The following PRKACB variants were observed in gnomAD, a reference collection of about 807,000 sequenced individuals.
PRKACB encodes the protein protein kinase cAMP-activated catalytic subunit beta.
PRKACB carries 16 observed loss-of-function variants against 51.4 expected under a neutral mutation model. That is an observed-to-expected ratio of 0.31 (90% CI 0.21 to 0.47). The LOEUF (loss-of-function observed/expected upper bound fraction) is 0.47. PRKACB is among the 20% of genes least tolerant of loss of function. The pLI is 1.00. For synonymous variants in PRKACB, 147 were observed against 154.4 expected (o/e 0.95, Z 0.35); for missense variants, 309 against 464.5 (o/e 0.67, Z 3.08).
intron 1 of PRKACB, 136 bp from the exon 2 acceptor site, chr1:84,179,038 CATG>C (rs1484008602): frequency 1.0e-6 from 1 of 996,966 alleles, no homozygotes; most frequent in African/African-American, 1.7e-5. Context: ...TTTAATGTAT[CATG>C]GTGATAAATA....
chr1:84,185,945 C>T (rs779567891), intron 5 of PRKACB, among the ~76,000 whole-genome samples: 1 of 152,120 alleles, frequency 6.6e-6, no homozygotes, highest in Non-Finnish European at 1.5e-5. Flanking sequence ...GGCATATACA[C>T]AGACTAGGTG....
At chr1:84,156,083 G>T (rs1027732526) in intron 1 of PRKACB, among the ~76,000 whole-genome samples, 2 of 152,018 alleles carry the variant, frequency 1.3e-5, no homozygotes, top group African/African-American at 2.4e-5. Flanking sequence ...TGTTCTCCTG[G>T]GCTCAAGCTA....
intron 1 of PRKACB, among the ~76,000 whole-genome samples, chr1:84,158,768 A>G (rs1484251414): frequency 2.6e-5 from 4 of 152,132 alleles, no homozygotes; most frequent in African/African-American, 4.8e-5. Context: ...AAGATTTTCA[A>G]TCTGTACTTC....
intron 9 of PRKACB, among the ~76,000 whole-genome samples, chr1:84,219,227 G>T (rs1227026717): frequency 2.1e-4 from 29 of 140,090 alleles, no homozygotes; most frequent in Non-Finnish European, 4.1e-4. Context: ...TGTTTATTAG[G>T]TTTTTTTTTT....
upstream of PRKACB, among the ~76,000 whole-genome samples, chr1:84,144,049 C>CTA (rs199516588): frequency 2.0e-5 from 3 of 152,118 alleles, no homozygotes; most frequent in East Asian, 5.8e-4. Context: ...GTTTAGCCTA[C>CTA]TATATATATA....
intron 1 of PRKACB, among the ~76,000 whole-genome samples, chr1:84,127,445 A>C (rs1035213160): frequency 2.6e-5 from 4 of 152,208 alleles, no homozygotes; most frequent in Non-Finnish European, 5.9e-5. Flanking sequence ...GGGATATTCA[A>C]CTGTATCAGT....
intron 2 of PRKACB, among the ~76,000 whole-genome samples, chr1:84,180,690 C>G (rs931396490): frequency 5.9e-5 from 9 of 151,950 alleles, no homozygotes; most frequent in Admixed American, 2.6e-4. Context: ...GTAAATGTTT[C>G]TTAAAGATGC....
intron 9 of PRKACB, among the ~76,000 whole-genome samples, chr1:84,216,342 GAAAT>G (rs546058312): frequency 3.3e-5 from 5 of 151,648 alleles, no homozygotes; most frequent in African/African-American, 4.8e-5. Flanking sequence ...CCGTCTCAAA[GAAAT>G]AAATAAATAA....
chr1:84,117,561 T>G (rs948073712), intron 1 of PRKACB, among the ~76,000 whole-genome samples: 3 of 152,210 alleles, frequency 2.0e-5, no homozygotes, highest in Non-Finnish European at 2.9e-5. Context: ...TTTATCCATT[T>G]TCTCTAGCTT....
chr1:84,173,678 C>A (rs1376387329), intron 1 of PRKACB, among the ~76,000 whole-genome samples: 1 of 151,736 alleles, frequency 6.6e-6, no homozygotes, highest in South Asian at 2.1e-4. Flanking sequence ...ACCTTAGTTT[C>A]CATCCTCTTT....
chr1:84,198,291 C>A (rs570930446), intron 7 of PRKACB, among the ~76,000 whole-genome samples: 101 of 152,204 alleles, frequency 6.6e-4, no homozygotes, highest in Non-Finnish European at 1.3e-3. Context: ...TAGTTTTAGT[C>A]TTATTGAAGG....
intron 1 of PRKACB, chr1:84,164,297 G>T: frequency 1.3e-6 from 2 of 1,504,900 alleles, no homozygotes; most frequent in South Asian, 2.5e-5. Context: ...ATAGTCACTA[G>T]CAACAGCACA....
rs542263277 is a variant in PRKACB, at chr1:84,208,123, G to A, written c.906+5318G>A. On this transcript the variant is annotated intron_variant, in intron 8 of 9. Transcript: ENST00000370685. ...CCTCAAGTGATCCACCTGTCTTGGC[G>A]TCTCAAATTACTGGGAGTAGTAATT... Among the ~76,000 whole-genome samples, 35 of 152,178 alleles carry A rather than the reference G, an allele frequency of 2.3e-4. No homozygotes were observed. The South Asian group carries it at 6.2e-3, about 27-fold the overall frequency.
At chr1:84,111,108 T>A (rs1650194297) in intron 1 of PRKACB, among the ~76,000 whole-genome samples, 1 of 152,092 alleles carries the variant, frequency 6.6e-6, no homozygotes, top group African/African-American at 2.4e-5. Flanking sequence ...CTGCTTAAAA[T>A]TATCTTTATG....
chr1:84,094,727 TACAC>T (rs1257588289), intron 1 of PRKACB, among the ~76,000 whole-genome samples: 2 of 151,826 alleles, frequency 1.3e-5, no homozygotes, highest in African/African-American at 2.4e-5. Context: ...CACATACACA[TACAC>T]ACACTAAGAC....
chr1:84,198,689 A>G (rs923437068), intron 7 of PRKACB, among the ~76,000 whole-genome samples: 1 of 151,858 alleles, frequency 6.6e-6, no homozygotes, highest in Non-Finnish European at 1.5e-5. Flanking sequence ...ACTTTTACAA[A>G]TGTGTATATA....
chr1:84,198,356 A>G (rs1355193598), intron 7 of PRKACB, among the ~76,000 whole-genome samples: 1 of 152,108 alleles, frequency 6.6e-6, no homozygotes, highest in Non-Finnish European at 1.5e-5. Context: ...ACCTATATCC[A>G]AAAGAATGGT....
upstream of PRKACB, among the ~76,000 whole-genome samples, chr1:84,143,356 G>A (rs892039067): frequency 1.3e-5 from 2 of 152,112 alleles, no homozygotes; most frequent in African/African-American, 4.8e-5. Context: ...GATGTCTGAG[G>A]GGCGAGAATC....
chr1:84,197,856 G>C (rs749718505), intron 7 of PRKACB, 32 bp downstream of exon 7: 2 of 1,468,990 alleles, frequency 1.4e-6, no homozygotes, highest in Admixed American at 3.5e-5. Context: ...ATAAGAAGTA[G>C]AAATATGAGA....
Sources: gnomAD v4.1 joint callset for allele counts (sites outside exome capture counted in the v4.1 genomes callset) on GRCh38, gnomAD v4.1.1 for gene constraint, MANE v1.5 for transcripts, NCBI Gene and HGNC (gene_info 2026-07-23, HGNC 2026-07-21) for gene names.